The following SGCD variants were observed in gnomAD, a reference collection of about 807,000 sequenced individuals.
SGCD encodes the protein delta-sarcoglycan.
A neutral mutation model predicts 36.6 loss-of-function variants in SGCD; 18 were observed. The observed-to-expected ratio is 0.49, with a 90% CI of 0.34 to 0.73. The LOEUF (loss-of-function observed/expected upper bound fraction) is 0.73, where lower values mean the gene tolerates loss of function less well. Ranked by LOEUF, SGCD falls within the 30% of genes least tolerant of loss-of-function variation. The pLI is 0.01. For missense variants in SGCD, 387 were observed against 346.7 expected (o/e 1.12, Z -0.92); for synonymous variants, 133 against 130.6 (o/e 1.02, Z -0.12).
chr5:156,431,064 T>C (rs1752987693), intron 3 of SGCD, among the ~76,000 whole-genome samples: 1 of 152,110 alleles, frequency 6.6e-6, no homozygotes, highest in African/African-American at 2.4e-5. Flanking sequence ...TGAGGGTAGC[T>C]GGGGGAGCTC....
At chr5:155,871,641 G>A (rs1023470655) in intron 1 of SGCD, among the ~76,000 whole-genome samples, 2 of 152,162 alleles carry the variant, frequency 1.3e-5, no homozygotes, top group Admixed American at 6.5e-5. Context: ...AGCATCAGTG[G>A]TGTAGCAGGC....
chr5:156,558,862 T>C (rs1340128305), intron 4 of SGCD, among the ~76,000 whole-genome samples: 1 of 152,202 alleles, frequency 6.6e-6, no homozygotes, highest in Non-Finnish European at 1.5e-5. Context: ...TTGCAGATGG[T>C]TCTGAGTAAA....
intron 1 of SGCD, among the ~76,000 whole-genome samples, chr5:156,327,554 T>C (rs1293432250): frequency 6.6e-6 from 1 of 152,230 alleles, no homozygotes; most frequent in Non-Finnish European, 1.5e-5. Context: ...CCTTTCTGCG[T>C]GGAAGGGCCG....
intron 1 of SGCD, among the ~76,000 whole-genome samples, chr5:155,946,560 A>G (rs1015763162): frequency 2.0e-4 from 31 of 152,120 alleles, no homozygotes; most frequent in African/African-American, 4.8e-4. Flanking sequence ...GCTGTCCCCA[A>G]TCTCCTTCTC....
chr5:156,303,658 T>A (rs1252501695), intron 3 of SGCD, among the ~76,000 whole-genome samples: 2 of 151,486 alleles, frequency 1.3e-5, no homozygotes, highest in Non-Finnish European at 2.9e-5. Flanking sequence ...GCCCATGGGC[T>A]TATTAGTCAG....
chr5:156,369,554 T>C (rs1337770798), intron 3 of SGCD, among the ~76,000 whole-genome samples: 2 of 152,224 alleles, frequency 1.3e-5, no homozygotes, highest in East Asian at 3.8e-4. Flanking sequence ...AGGAGGTGCA[T>C]GTGCCTTGCA....
At chr5:156,059,065 C>T (rs1336248728) in intron 1 of SGCD, among the ~76,000 whole-genome samples, 2 of 144,542 alleles carry the variant, frequency 1.4e-5, no homozygotes, top group African/African-American at 5.0e-5. Flanking sequence ...TGTGCTTCCT[C>T]ATAATTTTCA....
At chr5:156,232,115 G>A (rs1765034027) in intron 3 of SGCD, among the ~76,000 whole-genome samples, 1 of 152,136 alleles carries the variant, frequency 6.6e-6, no homozygotes, top group Non-Finnish European at 1.5e-5. Context: ...AAAGAGGAGA[G>A]CCAACACCAG....
intron 3 of SGCD, among the ~76,000 whole-genome samples, chr5:156,212,154 C>CT (rs1764459384): frequency 6.6e-6 from 1 of 152,126 alleles, no homozygotes; most frequent in Non-Finnish European, 1.5e-5. Flanking sequence ...GTTGTAAATC[C>CT]TTACCTATCG....
intron 3 of SGCD, among the ~76,000 whole-genome samples, chr5:156,426,561 G>T (rs1016761546): frequency 3.2e-4 from 49 of 152,016 alleles, no homozygotes; most frequent in Non-Finnish European, 1.5e-5. Flanking sequence ...AAGCTTTTTA[G>T]TTTAATTAGG....
At chr5:156,496,444 T>A (rs1187557002) in intron 3 of SGCD, among the ~76,000 whole-genome samples, 1 of 152,094 alleles carries the variant, frequency 6.6e-6, no homozygotes, top group East Asian at 1.9e-4. Flanking sequence ...GTAAGTAGTA[T>A]CTAGGGTTTG....
chr5:156,409,408 A>G (rs1772618655), intron 3 of SGCD, among the ~76,000 whole-genome samples: 1 of 152,244 alleles, frequency 6.6e-6, no homozygotes, highest in Non-Finnish European at 1.5e-5. Flanking sequence ...TGTTAAAGAT[A>G]ACGCAGTTCT....
intron 7 of SGCD, among the ~76,000 whole-genome samples, chr5:156,679,792 C>G (rs1367576360): frequency 6.6e-6 from 1 of 152,072 alleles, no homozygotes. Flanking sequence ...CACTTTTCTT[C>G]TCCGCTTTTT....
chr5:156,045,472 G>T (rs186147608), intron 1 of SGCD, among the ~76,000 whole-genome samples: 1 of 152,030 alleles, frequency 6.6e-6, no homozygotes, highest in Admixed American at 6.6e-5. Flanking sequence ...ACTGACTTGC[G>T]TAAATCAGTA....
At chr5:155,871,844 G>A (rs758527101) in intron 1 of SGCD, among the ~76,000 whole-genome samples, 2 of 152,186 alleles carry the variant, frequency 1.3e-5, no homozygotes, top group Non-Finnish European at 1.5e-5. Flanking sequence ...CTGCCAACAG[G>A]TGGCAACCAT....
At chr5:155,751,992 G>A in the SGCD span, among the ~76,000 whole-genome samples, 65 of 152,010 alleles carry the variant, frequency 4.3e-4, no homozygotes, top group African/African-American at 1.5e-3. Context: ...GTGACCTTCT[G>A]TACTGGGATT....
chr5:155,732,476 C>T, the SGCD span, among the ~76,000 whole-genome samples: 2 of 152,112 alleles, frequency 1.3e-5, no homozygotes, highest in Non-Finnish European at 2.9e-5. Context: ...TTTCTCCCTC[C>T]CCACTCTACC....
At chr5:156,647,923 A>T (rs1025181543) in intron 7 of SGCD, among the ~76,000 whole-genome samples, 4 of 152,272 alleles carry the variant, frequency 2.6e-5, no homozygotes, top group South Asian at 4.1e-4. Flanking sequence ...ATTATGCAAC[A>T]AGCTCTCTAT....
intron 7 of SGCD, among the ~76,000 whole-genome samples, chr5:156,654,592 TA>T (rs1007751381): frequency 1.3e-5 from 2 of 152,134 alleles, no homozygotes; most frequent in African/African-American, 4.8e-5. Flanking sequence ...GCCTTAAATT[TA>T]AAATAGCAAG....
Sources: allele counts gnomAD v4.1 joint callset (sites outside exome capture counted in the v4.1 genomes callset), GRCh38; gene constraint gnomAD v4.1.1; transcripts MANE v1.5; gene names NCBI Gene and HGNC (gene_info 2026-07-23, HGNC 2026-07-21).